Variants in ENTREP2 observed in about 807,000 individuals in gnomAD.
The protein encoded by ENTREP2 is protein ENTREP2.
the ENTREP2 span, among the ~76,000 whole-genome samples, chr15:29,171,162 A>G: frequency 2.0e-5 from 3 of 152,280 alleles, no homozygotes; most frequent in East Asian, 5.8e-4. Context: ...TCGACCTCCA[A>G]CACTGACTGT....
At chr15:29,646,870 A>G in the ENTREP2 span, among the ~76,000 whole-genome samples, 1 of 152,170 alleles carries the variant, frequency 6.6e-6, no homozygotes, top group Non-Finnish European at 1.5e-5. Context: ...CTACTGCAAT[A>G]AAACAATCAC....
At chr15:29,545,607 A>G in the ENTREP2 span, among the ~76,000 whole-genome samples, 2 of 152,278 alleles carry the variant, frequency 1.3e-5, no homozygotes, top group South Asian at 4.1e-4. Context: ...TAGGCTTTAT[A>G]AGAGTAGGTA....
chr15:29,563,863 A>G, the ENTREP2 span, among the ~76,000 whole-genome samples: 2 of 151,806 alleles, frequency 1.3e-5, no homozygotes, highest in African/African-American at 4.8e-5. Context: ...AAATAAATAA[A>G]TAAGTAAAAT....
chr15:29,337,753 C>T, the ENTREP2 span, among the ~76,000 whole-genome samples: 4 of 152,124 alleles, frequency 2.6e-5, no homozygotes, highest in Non-Finnish European at 5.9e-5. Flanking sequence ...TTACGTCATT[C>T]AGTTTTCACA....
chr15:29,478,539 G>A, the ENTREP2 span, among the ~76,000 whole-genome samples: 1 of 152,078 alleles, frequency 6.6e-6, no homozygotes, highest in Non-Finnish European at 1.5e-5. Context: ...GAGGAGTTTG[G>A]ATCATGGGGG....
chr15:29,269,886 G>T, the ENTREP2 span: 1 of 570,420 alleles, frequency 1.8e-6, no homozygotes, highest in Non-Finnish European at 2.8e-6. Context: ...CTGCGCGGCT[G>T]CGGCGGGTAC....
the ENTREP2 span, among the ~76,000 whole-genome samples, chr15:29,515,973 G>C: frequency 6.6e-6 from 1 of 152,110 alleles, no homozygotes; most frequent in African/African-American, 2.4e-5. Flanking sequence ...TTATAATACA[G>C]GTCATCTTAA....
chr15:29,183,237 C>T, the ENTREP2 span, among the ~76,000 whole-genome samples: 6 of 152,118 alleles, frequency 3.9e-5, no homozygotes, highest in African/African-American at 9.7e-5. Flanking sequence ...GAGCAAATAA[C>T]TCAGCAGGAA....
the ENTREP2 span, among the ~76,000 whole-genome samples, chr15:29,349,710 C>A: frequency 2.0e-5 from 3 of 152,052 alleles, no homozygotes; most frequent in African/African-American, 4.8e-5. Flanking sequence ...CCAGCCTGGG[C>A]AACACAGTGA....
chr15:29,311,300 T>G, the ENTREP2 span, among the ~76,000 whole-genome samples: 1 of 152,252 alleles, frequency 6.6e-6, no homozygotes, highest in African/African-American at 2.4e-5. Flanking sequence ...CGTTTCTGGA[T>G]GGTATACTTC....
chr15:29,463,694 T>G, the ENTREP2 span, among the ~76,000 whole-genome samples: 1 of 152,152 alleles, frequency 6.6e-6, no homozygotes, highest in African/African-American at 2.4e-5. Context: ...ACACAGCAAT[T>G]CCACTTCTGG....
the ENTREP2 span, among the ~76,000 whole-genome samples, chr15:29,425,826 G>A: frequency 1.1e-3 from 169 of 151,948 alleles, 1 homozygote; most frequent in African/African-American, 3.9e-3. Context: ...TATGCAACAT[G>A]GCAAAATTTT....
At chr15:29,262,705 A>G in the ENTREP2 span, among the ~76,000 whole-genome samples, 1 of 152,192 alleles carries the variant, frequency 6.6e-6, no homozygotes, top group Non-Finnish European at 1.5e-5. Context: ...AGTTGTGTGG[A>G]CTGCTCTTGC....
the ENTREP2 span, among the ~76,000 whole-genome samples, chr15:29,427,964 G>A: frequency 2.0e-5 from 3 of 152,076 alleles, no homozygotes; most frequent in Non-Finnish European, 2.9e-5. Context: ...TTAAAAGTCC[G>A]AAACCAACAG....
chr15:29,656,353 G>A, the ENTREP2 span, among the ~76,000 whole-genome samples: 4 of 151,882 alleles, frequency 2.6e-5, no homozygotes, highest in African/African-American at 4.8e-5. Flanking sequence ...AGCCTCCCGA[G>A]TAGCTGGGAC....
At chr15:29,329,256 G>A in the ENTREP2 span, among the ~76,000 whole-genome samples, 1 of 152,044 alleles carries the variant, frequency 6.6e-6, no homozygotes, top group Middle Eastern at 3.4e-3. Context: ...CCAGCTCCTC[G>A]GGAGGCTGAG....
the ENTREP2 span, among the ~76,000 whole-genome samples, chr15:29,293,547 C>T: frequency 2.0e-3 from 301 of 152,220 alleles, 1 homozygote; most frequent in Non-Finnish European, 3.2e-3. Flanking sequence ...TGAGCCACCG[C>T]GCCCGGCCAA....
At chr15:29,663,630 G>T in the ENTREP2 span, among the ~76,000 whole-genome samples, 3 of 151,918 alleles carry the variant, frequency 2.0e-5, no homozygotes, top group Non-Finnish European at 4.4e-5. Flanking sequence ...ACCAAACACC[G>T]CATGTTCTCA....
At chr15:29,308,524 T>C in the ENTREP2 span, among the ~76,000 whole-genome samples, 2 of 152,230 alleles carry the variant, frequency 1.3e-5, no homozygotes, top group Non-Finnish European at 2.9e-5. Flanking sequence ...CTGAGTCAGC[T>C]GCCTCCCCTT....
Sources: gnomAD v4.1 joint callset for allele counts (sites outside exome capture counted in the v4.1 genomes callset) on GRCh38, gnomAD v4.1.1 for gene constraint, MANE v1.5 for transcripts, NCBI Gene and HGNC (gene_info 2026-07-23, HGNC 2026-07-21) for gene names.